ARHGAP32: variants seen among roughly 807,000 people sequenced by gnomAD.
The protein encoded by ARHGAP32 is Rho GTPase activating protein 32.
In ARHGAP32, 51 loss-of-function variants were observed where a neutral mutation model predicts 186.5. That is an observed-to-expected ratio of 0.27 (90% CI 0.22 to 0.35). The LOEUF is 0.35. Among genes scored for constraint, ARHGAP32 ranks in the 10% least tolerant of loss-of-function variants. The probability of loss-of-function intolerance (pLI) is 1.00; values close to 1 mark genes in which losing one functional copy is unlikely to be tolerated. For synonymous variants in ARHGAP32, 950 were observed against 964.3 expected, an observed-to-expected ratio of 0.99 and a Z score of 0.27; for missense variants, 2,186 against 2,623.5, an observed-to-expected ratio of 0.83 and a Z score of 3.64.
intron 1 of ARHGAP32, among the ~76,000 whole-genome samples, chr11:129,171,153 G>A (rs1009688227): frequency 2.6e-5 from 4 of 152,206 alleles, no homozygotes; most frequent in African/African-American, 7.2e-5. Context: ...TTCTTTGGCT[G>A]TGGAGATGGT....
chr11:129,279,338 G>C (rs1202383465), upstream of ARHGAP32: 1 of 144,554 alleles, frequency 6.9e-6, no homozygotes, highest in Non-Finnish European at 1.5e-5. Flanking sequence ...CCCCGCGCCA[G>C]CGCCTCATCC....
chr11:129,051,341 G>C (rs966741513), intron 10 of ARHGAP32, among the ~76,000 whole-genome samples: 2 of 152,150 alleles, frequency 1.3e-5, no homozygotes, highest in Non-Finnish European at 2.9e-5. Flanking sequence ...CATTCTAACT[G>C]GTGTGGGATG....
At chr11:129,186,189 A>G (rs1410695841) in intron 1 of ARHGAP32, among the ~76,000 whole-genome samples, 1 of 152,188 alleles carries the variant, frequency 6.6e-6, no homozygotes, top group Non-Finnish European at 1.5e-5. Context: ...TTTAACTTCA[A>G]TTAAACAACC....
chr11:129,149,895 A>G (rs553604259), intron 2 of ARHGAP32, among the ~76,000 whole-genome samples: 2 of 152,258 alleles, frequency 1.3e-5, no homozygotes, highest in South Asian at 2.1e-4. Context: ...ATTTTTTTAG[A>G]AAATACAGGA....
intron 6 of ARHGAP32, among the ~76,000 whole-genome samples, chr11:129,077,066 T>C (rs1941064761): frequency 6.6e-6 from 1 of 152,144 alleles, no homozygotes; most frequent in Admixed American, 6.5e-5. Context: ...GAGTGAAATA[T>C]AAAAGTAGAA....
At chr11:129,170,713 T>C (rs1943741824) in intron 1 of ARHGAP32, among the ~76,000 whole-genome samples, 1 of 152,234 alleles carries the variant, frequency 6.6e-6, no homozygotes, top group Admixed American at 6.5e-5. Context: ...TCAAATGGTA[T>C]TTCTGGTTCC....
intron 11 of ARHGAP32, among the ~76,000 whole-genome samples, chr11:129,035,074 T>C (rs932228020): frequency 1.3e-5 from 2 of 152,110 alleles, no homozygotes; most frequent in Non-Finnish European, 2.9e-5. Context: ...CTTCCACCTT[T>C]CCCCACCTAG....
intron 10 of ARHGAP32, among the ~76,000 whole-genome samples, chr11:129,042,010 CTG>C (rs1939613667): frequency 6.6e-6 from 1 of 152,162 alleles, no homozygotes; most frequent in South Asian, 2.1e-4. Flanking sequence ...TAATTTCCAT[CTG>C]TGTGAAATTA....
At chr11:129,264,058 A>C (rs1165502015) in intron 1 of ARHGAP32, among the ~76,000 whole-genome samples, 1 of 152,238 alleles carries the variant, frequency 6.6e-6, no homozygotes, top group African/African-American at 2.4e-5. Context: ...ATTCACCCTT[A>C]AAAAAGAAGG....
At position 129,064,028 on chromosome 11, in the gene ARHGAP32, T is replaced by C. The variant is rs1431395170; in HGVS notation, c.763-4A>G. The C allele has an allele frequency of 5.6e-6, 9 of 1,603,498 alleles. No homozygotes were observed. Among genetic ancestry groups the C allele is most frequent in the Non-Finnish European group, 6.8e-6 (8 of 1,176,378 alleles). ...GGTGATTTCCCTTATTATCAATCTA[T>C]CACAAAGAAAATGTACTATGAGATA... On this transcript the variant is annotated splice_region_variant and splice_polypyrimidine_tract_variant and intron_variant, in intron 8 of 22. Coordinates refer to ENST00000682385, the MANE Select transcript of ARHGAP32 (RefSeq NM_001378024.1).
chr11:129,123,352 G>C lies in ARHGAP32; in HGVS notation c.444+94C>G. On this transcript the variant is annotated intron_variant, in intron 5 of 22. Transcript: ENST00000682385. This position sits in a 1 kb window ranked among gnomAD's most constrained non-coding sequence, Gnocchi z 4.6. The stretch of plus-strand genomic sequence containing the variant: ...ATTAAAAAAAAAACTACTTCAAAGT[G>C]TCATCTATTAGATACAGATATATAG... 1 of 1,006,674 alleles carries C rather than the reference G, an allele frequency of 9.9e-7. No individual in the cohort carries two copies. The highest frequency in any genetic ancestry group is 1.5e-6 in the Non-Finnish European group (1 of 689,338). The allele number at this position is 1,006,674 out of a possible 1,614,324, so 62.4% of individuals were successfully genotyped here.
chr11:128,980,453 T>A, intron 18 of ARHGAP32, 100 bp downstream of exon 18: 2 of 916,086 alleles, frequency 2.2e-6, no homozygotes, highest in South Asian at 4.1e-5. Context: ...TAGAATTCAA[T>A]AGAGTAATAC....
At chr11:129,190,556 C>G (rs1234459058) in intron 1 of ARHGAP32, among the ~76,000 whole-genome samples, 2 of 152,184 alleles carry the variant, frequency 1.3e-5, no homozygotes, top group African/African-American at 4.8e-5. Flanking sequence ...AAAAGAAGAG[C>G]TCATCCTTAC....
chr11:129,124,478 C>CA (rs1485185141), intron 3 of ARHGAP32, among the ~76,000 whole-genome samples: 8 of 152,188 alleles, frequency 5.3e-5, no homozygotes, highest in Admixed American at 4.6e-4. Flanking sequence ...TCTCATAACT[C>CA]AAACAATAAA....
At chr11:129,205,892 T>G (rs1944508912) in intron 1 of ARHGAP32, among the ~76,000 whole-genome samples, 1 of 152,138 alleles carries the variant, frequency 6.6e-6, no homozygotes, top group South Asian at 2.1e-4. Context: ...ATTTAAATAT[T>G]TTAACTTTTT....
chr11:129,249,913 T>C (rs1231703613), intron 1 of ARHGAP32, among the ~76,000 whole-genome samples: 1 of 152,006 alleles, frequency 6.6e-6, no homozygotes, highest in African/African-American at 2.4e-5. Flanking sequence ...CAATTAATGT[T>C]CCCCTTTAAG....
Position 128,970,747 on chromosome 11 carries a change from G to C in ARHGAP32, c.4466C>G (p.Ser1489Cys), listed in dbSNP as rs774867129. 5.0e-6 allele frequency: 8 copies of C among 1,614,064 alleles called. No homozygotes were observed. The highest frequency in any genetic ancestry group is 5.9e-6 in the Non-Finnish European group (7 of 1,180,026). ...KHASQKTVYS[S>C]FARPDVTTEP... The stretch of plus-strand genomic sequence containing the variant: ...AGTGGTGACATCGGGCCTAGCAAAG[G>C]AGGAGTAAACTGTTTTCTGAGAAGC... Residue 1489 changes from serine (S) to cysteine (C), a missense_variant, in exon 23 of 23, where the codon TCC (serine) becomes TGC (cysteine). Transcript: ENST00000682385. This position sits in a 1 kb window ranked among gnomAD's most constrained non-coding sequence, Gnocchi z 5.8.
chr11:129,184,361 C>T (rs1312916032), intron 1 of ARHGAP32, among the ~76,000 whole-genome samples: 1 of 151,906 alleles, frequency 6.6e-6, no homozygotes, highest in East Asian at 1.9e-4. Flanking sequence ...TAAAACAGAA[C>T]ATGTACACTG....
upstream of ARHGAP32, among the ~76,000 whole-genome samples, chr11:129,192,934 G>A (rs1359335096): frequency 6.6e-6 from 1 of 152,158 alleles, no homozygotes; most frequent in South Asian, 2.1e-4. Context: ...ACTGCAAACA[G>A]TCATGGTGGC....
Sources: gnomAD v4.1 joint callset for allele counts (sites outside exome capture counted in the v4.1 genomes callset) on GRCh38, gnomAD v4.1.1 for gene constraint, Gnocchi (gnomAD v3.1) non-coding constraint, MANE v1.5 for transcripts, NCBI Gene and HGNC (gene_info 2026-07-23, HGNC 2026-07-21) for gene names.